NPAS3: variants seen among roughly 807,000 people sequenced by gnomAD.
NPAS3 encodes neuronal PAS domain protein 3, also known as neuronal PAS domain-containing protein 3.
Under a neutral mutation model 73.1 loss-of-function variants are expected in NPAS3, and 14 were observed. That is an observed-to-expected ratio of 0.19 (90% CI 0.13 to 0.30). The LOEUF (loss-of-function observed/expected upper bound fraction) is 0.30, where lower values mean the gene tolerates loss of function less well. Ranked by LOEUF, NPAS3 falls within the 10% of genes least tolerant of loss-of-function variation. NPAS3 has a pLI of 1.00. For synonymous variants in NPAS3, 620 were observed against 541.5 expected, an observed-to-expected ratio of 1.14 and a Z score of -2.01; for missense variants, 1,096 against 1,250.0, an observed-to-expected ratio of 0.88 and a Z score of 1.86.
intron 6 of NPAS3, among the ~76,000 whole-genome samples, chr14:33,695,505 A>G (rs1208277782): frequency 6.6e-6 from 1 of 152,172 alleles, no homozygotes; most frequent in Non-Finnish European, 1.5e-5. Context: ...CAGACTTCAC[A>G]TTGTCAAGTT....
chr14:33,360,021 T>C (rs2045522690), intron 3 of NPAS3, among the ~76,000 whole-genome samples: 1 of 152,212 alleles, frequency 6.6e-6, no homozygotes, highest in African/African-American at 2.4e-5. Context: ...TGTTCAGGCT[T>C]GGAGCCTGGA....
chr14:33,753,323 C>T (rs1359930437), intron 7 of NPAS3, among the ~76,000 whole-genome samples: 2 of 148,670 alleles, frequency 1.3e-5, no homozygotes, highest in Admixed American at 1.3e-4. Flanking sequence ...GATTATACTT[C>T]TCAAAATATG....
At chr14:33,370,661 A>C (rs1233781817) in intron 4 of NPAS3, among the ~76,000 whole-genome samples, 1 of 152,182 alleles carries the variant, frequency 6.6e-6, no homozygotes, top group African/African-American at 2.4e-5. Context: ...TGATATAAAG[A>C]GACCATTTAG....
intron 4 of NPAS3, among the ~76,000 whole-genome samples, chr14:33,513,664 C>T (rs1233665981): frequency 6.6e-6 from 1 of 152,044 alleles, no homozygotes; most frequent in Non-Finnish European, 1.5e-5. Context: ...ACTCTGCCAC[C>T]TTCCAAGGGA....
intron 3 of NPAS3, among the ~76,000 whole-genome samples, chr14:33,258,993 T>G (rs1212290748): frequency 6.6e-6 from 1 of 152,170 alleles, no homozygotes; most frequent in Non-Finnish European, 1.5e-5. Context: ...TTTTGTATTT[T>G]TAGTAGAGAC....
chr14:33,688,099 G>C (rs986712762), intron 6 of NPAS3, among the ~76,000 whole-genome samples: 5 of 152,072 alleles, frequency 3.3e-5, no homozygotes, highest in Admixed American at 3.3e-4. Flanking sequence ...TCTAATTTTA[G>C]GTTCAGAGGG....
At chr14:33,458,185 A>G (rs2050105916) in intron 4 of NPAS3, among the ~76,000 whole-genome samples, 1 of 152,238 alleles carries the variant, frequency 6.6e-6, no homozygotes, top group Non-Finnish European at 1.5e-5. Flanking sequence ...TTTTAAATTC[A>G]AAGTATTCTT....
chr14:33,686,331 G>A (rs1187458990), intron 6 of NPAS3, among the ~76,000 whole-genome samples: 2 of 152,224 alleles, frequency 1.3e-5, no homozygotes, highest in African/African-American at 4.8e-5. Context: ...GGGTGCCAGG[G>A]TAAAGAATCT....
chr14:33,400,659 A>G (rs1030299762), intron 4 of NPAS3, among the ~76,000 whole-genome samples: 2 of 152,136 alleles, frequency 1.3e-5, no homozygotes, highest in African/African-American at 4.8e-5. Flanking sequence ...CAATGAGAAG[A>G]CAGTCAGTCC....
chr14:33,472,085 A>G (rs1410849271), intron 4 of NPAS3, among the ~76,000 whole-genome samples: 2 of 152,194 alleles, frequency 1.3e-5, no homozygotes, highest in Admixed American at 6.5e-5. Context: ...CAAGTAAACT[A>G]TATGTATGTC....
chr14:33,719,929 A>G (rs949080585), intron 6 of NPAS3, among the ~76,000 whole-genome samples: 1 of 152,180 alleles, frequency 6.6e-6, no homozygotes, highest in Admixed American at 6.5e-5. Context: ...ATTGGCAGAT[A>G]ATAACAGAAT....
chr14:33,129,018 A>G (rs2043537111), intron 2 of NPAS3, among the ~76,000 whole-genome samples: 1 of 152,050 alleles, frequency 6.6e-6, no homozygotes, highest in Non-Finnish European at 1.5e-5. Context: ...AATTTTCCAC[A>G]GGATTTTTTT....
At chr14:32,986,036 G>A (rs544383944) in intron 1 of NPAS3, among the ~76,000 whole-genome samples, 1 of 152,174 alleles carries the variant, frequency 6.6e-6, no homozygotes, top group Admixed American at 6.5e-5. Context: ...CATGGGCGCC[G>A]CTGTGAGGAT....
intron 4 of NPAS3, among the ~76,000 whole-genome samples, chr14:33,393,445 G>A (rs560342968): frequency 6.6e-5 from 10 of 152,210 alleles, no homozygotes; most frequent in South Asian, 2.1e-4. Flanking sequence ...TCCTTGGAGC[G>A]CTTGCTCCAT....
chr14:33,138,178 A>T (rs1409107816), intron 2 of NPAS3, among the ~76,000 whole-genome samples: 4 of 150,880 alleles, frequency 2.7e-5, no homozygotes, highest in African/African-American at 9.7e-5. Context: ...AACATTAGGT[A>T]TATCTCCAAA....
intron 2 of NPAS3, among the ~76,000 whole-genome samples, chr14:33,104,621 G>A (rs924706825): frequency 1.4e-4 from 21 of 152,310 alleles, no homozygotes; most frequent in South Asian, 4.1e-4. Flanking sequence ...CTGTACTGAC[G>A]TAGTGTTGGA....
At chr14:33,291,230 A>G (rs895770638) in intron 3 of NPAS3, among the ~76,000 whole-genome samples, 1 of 152,254 alleles carries the variant, frequency 6.6e-6, no homozygotes, top group Non-Finnish European at 1.5e-5. Context: ...TGTTTAGATA[A>G]CAGATGAGGA....
chr14:32,962,020 A>C (rs1305034830), intron 1 of NPAS3, among the ~76,000 whole-genome samples: 1 of 152,196 alleles, frequency 6.6e-6, no homozygotes, highest in Non-Finnish European at 1.5e-5. Flanking sequence ...AATAATGTTC[A>C]TTTGCAGCTT....
At chr14:33,215,053 C>A in intron 2 of NPAS3, 129 bp from the exon 3 acceptor site, 1 of 929,926 alleles carries the variant, frequency 1.1e-6, no homozygotes, top group Non-Finnish European at 1.6e-6. Flanking sequence ...ATTTTACTGT[C>A]ACTCTCTAGT....
Sources: allele counts gnomAD v4.1 joint callset (sites outside exome capture counted in the v4.1 genomes callset), GRCh38; gene constraint gnomAD v4.1.1; transcripts MANE v1.5; gene names NCBI Gene and HGNC (gene_info 2026-07-23, HGNC 2026-07-21).